The following NBPF14 variants were observed in gnomAD, a reference collection of about 807,000 sequenced individuals.
NBPF14 encodes the protein NBPF member 14.
NBPF14 carries 104 observed loss-of-function variants against 91.2 expected under a neutral mutation model. That is an observed-to-expected ratio of 1.14 (90% CI 0.97 to 1.34). The LOEUF (loss-of-function observed/expected upper bound fraction) is 1.34, where lower values mean the gene tolerates loss of function less well. Among genes scored for constraint, NBPF14 ranks in the 40% most tolerant of loss-of-function variants. The pLI, the probability that NBPF14 is intolerant of heterozygous loss-of-function variation, is 0.00. For missense variants in NBPF14, 908 were observed against 783.0 expected, an observed-to-expected ratio of 1.16 and a Z score of -1.91; for synonymous variants, 294 against 303.8, an observed-to-expected ratio of 0.97 and a Z score of 0.34.
At chr1:148,534,739 G>T (rs1654719232) in exon 69 of NBPF14, 4 of 828,788 alleles carry the variant, frequency 4.8e-6, no homozygotes, top group Non-Finnish European at 6.3e-6. Flanking sequence ...AAACAGCACT[G>T]CTGTAGGGCT....
At chr1:148,560,167 GAC>G (rs1480674154) in intron 36 of NBPF14, among the ~76,000 whole-genome samples, 4 of 150,452 alleles carry the variant, frequency 2.7e-5, no homozygotes, top group African/African-American at 1.0e-4. Context: ...GAGAGAGAGA[GAC>G]AGAGACAGAG....
rs1420345101 is a variant in NBPF14 at position 148,533,406 on chromosome 1, T to A, written c.8724-158A>T. ...AAAATTTATTGCCTTTATGTTGGGATAGAACAGGGCCAGGTAGAAAACAAT... is the reference window on the plus strand; with the variant it reads ...AAAATTTATTGCCTTTATGTTGGGAAAGAACAGGGCCAGGTAGAAAACAAT... On this transcript the variant is annotated intron_variant, in intron 70 of 70. Coordinates refer to ENST00000619423, the Ensembl canonical transcript of NBPF14. Among the ~76,000 whole-genome samples the A allele has an allele frequency of 2.3e-4, 34 of 148,400 alleles. 1 individual carries two copies. In the South Asian group the frequency reaches 6.4e-3, roughly 28 times the overall value.
At chr1:148,534,687 C>G in exon 69 of NBPF14, 2 of 809,970 alleles carry the variant, frequency 2.5e-6, no homozygotes. Context: ...TACTCACTGT[C>G]CACGTCAAGA....
Position 148,534,791 on chromosome 1 carries a change from T to A in NBPF14, c.8507A>T (p.Tyr2836Phe), listed in dbSNP as rs1186855034. The change falls in exon 69 of 71, where the codon TAT becomes TTT. Residue 2836 changes from tyrosine to phenylalanine, a missense_variant. Around this residue, in one of 13 missense-constraint regions of NBPF14, gnomAD observed 279 missense variants for 107.7 expected, o/e 2.59. Coordinates refer to ENST00000619423, the Ensembl canonical transcript of NBPF14. ...TTCAAGATAACCTGAAGGAGTCGAA[T>A]AACATCTATCCAGTGAGTCCTGCAA... 27 of 897,736 alleles carry A rather than the reference T, an allele frequency of 3.0e-5. 1 individual carries two copies. The highest frequency in any genetic ancestry group is 4.3e-5 in the Non-Finnish European group (23 of 537,070). The allele number at this position is 897,736 out of a possible 1,614,324, so 55.6% of individuals were successfully genotyped here.
chr1:148,551,736 G>A (rs1195036381), intron 47 of NBPF14, among the ~76,000 whole-genome samples: 1 of 19,108 alleles, frequency 5.2e-5, no homozygotes, highest in Non-Finnish European at 8.4e-5. Flanking sequence ...CCAATGTCAT[G>A]AGAATAGGAT....
chr1:148,542,126 G>A (rs1449546907), intron 59 of NBPF14, among the ~76,000 whole-genome samples: 1 of 104,398 alleles, frequency 9.6e-6, no homozygotes, highest in Admixed American at 8.4e-5. Context: ...TCAACTTAAA[G>A]CATATACCCT....
In NBPF14 at chr1:148,572,434, G is replaced by C. The variant is rs1659249033; in HGVS notation, c.2758+9C>G. The C allele has an allele frequency of 2.1e-6, 1 of 485,508 alleles. No individual in the cohort carries two copies. The highest frequency in any genetic ancestry group is 3.5e-6 in the Non-Finnish European group (1 of 286,488). The allele number at this position is 485,508 out of a possible 1,614,324, so 30.1% of individuals were successfully genotyped here. A position where few individuals can be genotyped will look rare whatever the true frequency, so the allele number is the denominator to read the frequency against. On this transcript the variant is annotated intron_variant, in intron 21 of 70. Coordinates refer to ENST00000619423, the Ensembl canonical transcript of NBPF14. ...TGGAGGCTTATCACCTTCACAGTAA[G>C]GTACTCACTGTCCACGTCAAGAGCC...
intron 28 of NBPF14, among the ~76,000 whole-genome samples, chr1:148,566,530 C>A (rs1385739274): frequency 7.8e-6 from 1 of 129,004 alleles, no homozygotes; most frequent in East Asian, 2.4e-4. Context: ...CACACACACA[C>A]ACACACACAC....
chr1:148,572,305 T>C, intron 21 of NBPF14, 138 bp downstream of exon 21: 1 of 212,220 alleles, frequency 4.7e-6, no homozygotes, highest in Non-Finnish European at 8.2e-6. Context: ...TACAGTTTCA[T>C]TACAACCTAT....
intron 34 of NBPF14, among the ~76,000 whole-genome samples, chr1:148,561,810 C>T (rs1225181323): frequency 5.9e-5 from 8 of 136,534 alleles, no homozygotes; most frequent in Non-Finnish European, 7.4e-5. Flanking sequence ...CAAACACACA[C>T]ACACACACAG....
intron 36 of NBPF14, among the ~76,000 whole-genome samples, chr1:148,560,249 G>T (rs1657575167): frequency 6.7e-6 from 1 of 148,962 alleles, no homozygotes; most frequent in African/African-American, 2.5e-5. Context: ...GGGAGTCAAA[G>T]GACACTCTGA....
At chr1:148,557,624 G>C in intron 39 of NBPF14, 82 bp from the exon 40 acceptor site, 1 of 575,910 alleles carries the variant, frequency 1.7e-6, no homozygotes, top group Admixed American at 2.8e-5. Flanking sequence ...TCCCCACACA[G>C]GGATCTCAGG....
chr1:148,590,728 G>GTCCT (rs1262704880), intron 6 of NBPF14, 29 bp downstream of exon 6: 2 of 492,816 alleles, frequency 4.1e-6, no homozygotes, highest in Non-Finnish European at 7.0e-6. Context: ...CTAGACAGAG[G>GTCCT]TATGAGACAC....
chr1:148,592,810 AGTGATCC>A, intron 3 of NBPF14, 44 bp from the exon 4 acceptor site: 2 of 1,325,286 alleles, frequency 1.5e-6, no homozygotes, highest in Middle Eastern at 5.5e-4. Context: ...GAAAGGGTTG[AGTGATCC>A]GTTCAAATAT....
At position 148,533,885 on chromosome 1, in the gene NBPF14, T is replaced by C. The variant is rs1488342130; in HGVS notation, c.8699A>G (p.Glu2900Gly). The stretch of plus-strand genomic sequence containing the variant: ...CCTGGGGCATGGTGGGTTTTGATCT[T>C]CTTCCCCTTCTTTTCTTCCCCTTCT... The change falls in exon 70 of 71, where the codon GAA (glutamate) becomes GGA (glycine). Residue 2900 changes from glutamate to glycine, a missense_variant. Glu to Gly is a moderately conservative substitution (Grantham distance 98). Around this residue, in one of 13 missense-constraint regions of NBPF14, gnomAD observed 279 missense variants for 107.7 expected, o/e 2.59. Coordinates refer to ENST00000619423, the Ensembl canonical transcript of NBPF14. The C allele has an allele frequency of 1.1e-3, 869 of 760,652 alleles. 10 individuals are homozygous for C. In the African/African-American group the frequency reaches 0.014, roughly 12 times the overall value. 47.1% of individuals were successfully genotyped at this position (760,652 alleles called of 1,614,324 possible).
intron 70 of NBPF14, 27 bp downstream of exon 70, chr1:148,533,834 T>G: frequency 1.3e-6 from 1 of 766,866 alleles, no homozygotes; most frequent in South Asian, 1.3e-5. Context: ...AACACAGAAC[T>G]AAGGATCCAC....
chr1:148,538,277 G>T, intron 64 of NBPF14, among the ~76,000 whole-genome samples: 1 of 58,134 alleles, frequency 1.7e-5, no homozygotes, highest in Admixed American at 1.8e-4. Context: ...TCAGTGAATT[G>T]TCCAGGTGAC....
At chr1:148,535,315 T>A in intron 68 of NBPF14, 138 bp downstream of exon 68, 7 of 613,362 alleles carry the variant, frequency 1.1e-5, no homozygotes, top group Middle Eastern at 4.4e-4. Flanking sequence ...TCTACTGCAA[T>A]GAAAACCAAC....
chr1:148,542,183 C>A (rs1475720593), intron 59 of NBPF14, among the ~76,000 whole-genome samples: 8 of 92,856 alleles, frequency 8.6e-5, no homozygotes, highest in Admixed American at 3.6e-4. Context: ...CCTGTCTCAA[C>A]AAATACGCAG....
Sources: gnomAD v4.1 joint callset for allele counts (sites outside exome capture counted in the v4.1 genomes callset) on GRCh38, gnomAD v4.1.1 for gene constraint, gnomAD v4.1.1 regional missense constraint, MANE v1.5 for transcripts, NCBI Gene and HGNC (gene_info 2026-07-23, HGNC 2026-07-21) for gene names.